VAV3: variants seen among roughly 807,000 people sequenced by gnomAD.
VAV3 encodes vav guanine nucleotide exchange factor 3.
A neutral mutation model predicts 131.2 loss-of-function variants in VAV3; 94 were observed. The observed-to-expected ratio is 0.72, with a 90% CI of 0.61 to 0.85. The LOEUF (loss-of-function observed/expected upper bound fraction) is 0.85, where lower values mean the gene tolerates loss of function less well. Among genes scored for constraint, VAV3 ranks in the 40% least tolerant of loss-of-function variants. VAV3 has a pLI of 0.00. For missense variants in VAV3, 939 were observed against 1,002.7 expected (o/e 0.94, Z 0.86); for synonymous variants, 349 against 342.0 (o/e 1.02, Z -0.22).
chr1:107,867,688 G>A (rs919674063), intron 2 of VAV3, among the ~76,000 whole-genome samples: 3 of 152,180 alleles, frequency 2.0e-5, no homozygotes, highest in East Asian at 3.9e-4. Context: ...CAAAGCAAAC[G>A]CGGCCTTGGT....
At chr1:107,633,009 T>C (rs1557719295) in intron 20 of VAV3, among the ~76,000 whole-genome samples, 1 of 152,168 alleles carries the variant, frequency 6.6e-6, no homozygotes, top group African/African-American at 2.4e-5. Flanking sequence ...CTAGAAAGAA[T>C]AGGAGGCAGT....
At chr1:107,919,527 A>G (rs1029348095) in intron 1 of VAV3, among the ~76,000 whole-genome samples, 6 of 152,216 alleles carry the variant, frequency 3.9e-5, no homozygotes, top group African/African-American at 1.4e-4. Flanking sequence ...TAAATATGAG[A>G]AAGTAAGGCC....
At chr1:107,637,388 TGAG>T (rs1655013792) in intron 20 of VAV3, among the ~76,000 whole-genome samples, 1 of 152,052 alleles carries the variant, frequency 6.6e-6, no homozygotes, top group Non-Finnish European at 1.5e-5. Context: ...TTTGGGAGGC[TGAG>T]GAGGGCAGAT....
chr1:107,768,608 ATTG>A, intron 6 of VAV3, 99 bp from the exon 7 acceptor site: 1 of 981,960 alleles, frequency 1.0e-6, no homozygotes. Context: ...TTGAAAGTCA[ATTG>A]TTGATCAGCA....
intron 25 of VAV3, 52 bp from the exon 26 acceptor site, chr1:107,574,250 A>G (rs188572876): frequency 3.1e-5 from 49 of 1,588,588 alleles, no homozygotes; most frequent in African/African-American, 2.7e-4. Context: ...GTTAACAACC[A>G]TAACAACCTA....
intron 1 of VAV3, among the ~76,000 whole-genome samples, chr1:107,958,855 A>G (rs1674944420): frequency 6.6e-6 from 1 of 152,138 alleles, no homozygotes. Context: ...TCATATATAG[A>G]TATATCTTTT....
rs113781465 is a variant in VAV3, at chr1:107,839,755, T to C, written c.321+35146A>G. 1.3e-3 allele frequency among the ~76,000 whole-genome samples: 196 copies of C among 151,950 alleles called. 2 individuals carry two copies. Among genetic ancestry groups the C allele is most frequent in the African/African-American group, 4.2e-3 (176 of 41,458 alleles). Reference sequence around the variant, plus strand: ...ACCAAAAGATGGTTCTTTGAAAAGATCAATAAAACTGATAAACTTCCAGCT... The same window carrying C: ...ACCAAAAGATGGTTCTTTGAAAAGACCAATAAAACTGATAAACTTCCAGCT... On this transcript the variant is annotated intron_variant, in intron 2 of 26. Transcript: ENST00000370056.
intron 19 of VAV3, among the ~76,000 whole-genome samples, chr1:107,656,211 T>C (rs757992838): frequency 5.3e-5 from 8 of 152,130 alleles, no homozygotes; most frequent in Non-Finnish European, 8.8e-5. Context: ...TAAGTGTCCA[T>C]CAATGGATGG....
intron 21 of VAV3, among the ~76,000 whole-genome samples, chr1:107,612,603 G>C (rs1003861417): frequency 3.9e-5 from 6 of 151,984 alleles, no homozygotes; most frequent in Non-Finnish European, 5.9e-5. Flanking sequence ...TTTCTGTTAA[G>C]TATGGTTCAC....
rs1651932393 is a variant in VAV3 at position 107,602,399 on chromosome 1, T to C, written c.2218A>G (p.Met740Val). The C allele has an allele frequency of 1.9e-6, 3 of 1,554,574 alleles. No individual in the cohort carries two copies. ...GAAAAGAAATAATCAATGCTTACCA[T>C]TAAACTTTTAAATTTTCTATTTTCT... ...IAENRKFKSL[M>V]ELVEYYKHHS... Residue 740 changes from methionine to valine, a missense_variant and splice_region_variant, in exon 24 of 27, where the codon ATG (methionine) becomes GTG (valine). Physicochemically the swap from Met to Val is conservative, Grantham distance 21. Coordinates refer to ENST00000370056, the MANE Select transcript of VAV3 (RefSeq NM_006113.5).
chr1:107,667,873 T>C (rs1249259397), intron 19 of VAV3, among the ~76,000 whole-genome samples: 1 of 152,142 alleles, frequency 6.6e-6, no homozygotes, highest in African/African-American at 2.4e-5. Flanking sequence ...TGAGCTTCCT[T>C]CCTTGCTTGG....
At chr1:107,639,146 A>T (rs978817585) in intron 20 of VAV3, among the ~76,000 whole-genome samples, 1 of 151,770 alleles carries the variant, frequency 6.6e-6, no homozygotes, top group Non-Finnish European at 1.5e-5. Flanking sequence ...ATGTAAAAAA[A>T]CCTTAGTACC....
Position 107,573,372 on chromosome 1 carries a change from C to T in VAV3, c.2503G>A (p.Val835Met). ...ACATATGTGGATGGAAACCAGCCCACCTAAAAAAGAAAAGCAACCAACACA... is the reference window on the plus strand; with the variant it reads ...ACATATGTGGATGGAAACCAGCCCATCTAAAAAAGAAAAGCAACCAACACA... ...GWWRGEVNGRVGWFPSTYVEE... is the reference protein window; with the variant it reads ...GWWRGEVNGRMGWFPSTYVEE... The change falls in exon 27 of 27, where the codon GTG becomes ATG. Residue 835 changes from valine to methionine, a missense_variant and splice_region_variant. Transcript: ENST00000370056. 6.2e-7 allele frequency: 1 copy of T among 1,613,938 alleles called. No homozygotes were observed. The highest frequency in any genetic ancestry group is 8.5e-7 in the Non-Finnish European group (1 of 1,179,938).
intron 1 of VAV3, among the ~76,000 whole-genome samples, chr1:107,920,592 A>G (rs1672846910): frequency 6.6e-6 from 1 of 152,214 alleles, no homozygotes; most frequent in Admixed American, 6.5e-5. Context: ...GAACTCTCCA[A>G]ACCACTTCTT....
chr1:107,583,925 C>T (rs1291906454), intron 25 of VAV3, among the ~76,000 whole-genome samples: 2 of 151,938 alleles, frequency 1.3e-5, no homozygotes, highest in Non-Finnish European at 2.9e-5. Context: ...TCATATGGAA[C>T]CAAAAAAGAG....
chr1:107,620,149 C>T (rs1653457834), intron 20 of VAV3, among the ~76,000 whole-genome samples: 1 of 152,144 alleles, frequency 6.6e-6, no homozygotes, highest in Admixed American at 6.5e-5. Flanking sequence ...ATCTCTCAGT[C>T]ATTTTTGTAT....
At chr1:107,699,004 A>T (rs1659917291) in intron 17 of VAV3, among the ~76,000 whole-genome samples, 1 of 152,176 alleles carries the variant, frequency 6.6e-6, no homozygotes, top group Admixed American at 6.5e-5. Flanking sequence ...GGGTGCGGAC[A>T]CAGAGCCAAA....
chr1:107,886,165 T>C (rs1671026671), intron 1 of VAV3, among the ~76,000 whole-genome samples: 1 of 152,240 alleles, frequency 6.6e-6, no homozygotes, highest in South Asian at 2.1e-4. Flanking sequence ...CTCACGGCCA[T>C]GACCCTGCCT....
chr1:107,610,265 C>G (rs1652630055), intron 21 of VAV3, among the ~76,000 whole-genome samples: 3 of 152,026 alleles, frequency 2.0e-5, no homozygotes, highest in African/African-American at 7.2e-5. Flanking sequence ...CAATTTAATC[C>G]TACCAAAGAA....
Sources: allele counts gnomAD v4.1 joint callset (sites outside exome capture counted in the v4.1 genomes callset), GRCh38; gene constraint gnomAD v4.1.1; transcripts MANE v1.5; gene names NCBI Gene and HGNC (gene_info 2026-07-23, HGNC 2026-07-21).